FMNL2: variants seen among roughly 807,000 people sequenced by gnomAD.
FMNL2 encodes formin-like protein 2.
In FMNL2, 51 loss-of-function variants were observed where a neutral mutation model predicts 130.2. The ratio of observed to expected loss-of-function variants is 0.39; its 90% CI spans 0.31 to 0.49. The LOEUF (loss-of-function observed/expected upper bound fraction) is 0.49, where lower values mean the gene tolerates loss of function less well. Among genes scored for constraint, FMNL2 ranks in the 20% least tolerant of loss-of-function variants. The pLI, the probability that FMNL2 is intolerant of heterozygous loss-of-function variation, is 0.85. For missense variants in FMNL2, 977 were observed against 1,316.2 expected (o/e 0.74, Z 3.99); for synonymous variants, 465 against 467.1 (o/e 1.00, Z 0.06).
At chr2:152,400,135 T>C (rs1685604596) in intron 1 of FMNL2, among the ~76,000 whole-genome samples, 1 of 152,100 alleles carries the variant, frequency 6.6e-6, no homozygotes, top group South Asian at 2.1e-4. Flanking sequence ...GAAAGTGGGT[T>C]GAAAAACAAA....
At chr2:152,617,893 CTG>C (rs1699038888) in intron 13 of FMNL2, among the ~76,000 whole-genome samples, 2 of 152,190 alleles carry the variant, frequency 1.3e-5, no homozygotes, top group Admixed American at 6.5e-5. Context: ...GTTATCGTGT[CTG>C]TGTGTGTCTG....
chr2:152,505,232 TAG>T (rs891608045), intron 1 of FMNL2, among the ~76,000 whole-genome samples: 5 of 152,058 alleles, frequency 3.3e-5, no homozygotes, highest in African/African-American at 7.2e-5. Flanking sequence ...AAAGGAATAG[TAG>T]AGAGTCAAGT....
intron 10 of FMNL2, among the ~76,000 whole-genome samples, chr2:152,610,419 C>T (rs917995316): frequency 6.6e-6 from 1 of 152,118 alleles, no homozygotes; most frequent in Non-Finnish European, 1.5e-5. Flanking sequence ...AGCGTCACCC[C>T]CCCAGAAAAA....
intron 1 of FMNL2, among the ~76,000 whole-genome samples, chr2:152,508,036 T>C (rs975297230): frequency 3.3e-5 from 5 of 152,252 alleles, no homozygotes; most frequent in Non-Finnish European, 2.9e-5. Context: ...TTAGAAATCA[T>C]GCATGGTATG....
chr2:152,463,771 C>T (rs1019980951), intron 1 of FMNL2, among the ~76,000 whole-genome samples: 11 of 152,174 alleles, frequency 7.2e-5, no homozygotes, highest in African/African-American at 2.2e-4. Flanking sequence ...CTAGAGCTCC[C>T]GGTACTACTC....
intron 1 of FMNL2, among the ~76,000 whole-genome samples, chr2:152,389,165 G>T (rs1157804662): frequency 6.6e-6 from 1 of 152,002 alleles, no homozygotes; most frequent in Non-Finnish European, 1.5e-5. Flanking sequence ...TTGGGCTGCT[G>T]TACAGTAACA....
intron 1 of FMNL2, among the ~76,000 whole-genome samples, chr2:152,366,145 A>G (rs1397530709): frequency 6.6e-6 from 1 of 152,050 alleles, no homozygotes; most frequent in Non-Finnish European, 1.5e-5. Context: ...TGCAGCCGAC[A>G]GATTGGGCCA....
rs771362854 is a variant in FMNL2 at position 152,632,062 on chromosome 2, A to T, written c.2605A>T (p.Asn869Tyr). The change falls in exon 21 of 26, where the codon AAT becomes TAT. Residue 869 changes from asparagine (N) to tyrosine (Y), a missense_variant. By Grantham distance (143) the Asn-to-Tyr change is moderately radical. Transcript: ENST00000288670. ...RKQTLLHYIS[N>Y]VVKEKYHQVS... Reference sequence around the variant, plus strand: ...GCAAACACTGTTGCACTATATATCCAATGTGGTGAAAGAAAAATATCACCA... The same window carrying T: ...GCAAACACTGTTGCACTATATATCCTATGTGGTGAAAGAAAAATATCACCA... 6.2e-7 allele frequency: 1 copy of T among 1,613,446 alleles called. No homozygotes were observed. Among genetic ancestry groups the T allele is most frequent in the African/African-American group, 1.3e-5 (1 of 75,056 alleles).
intron 1 of FMNL2, among the ~76,000 whole-genome samples, chr2:152,337,684 C>T (rs1681555775): frequency 6.6e-6 from 1 of 152,104 alleles, no homozygotes; most frequent in South Asian, 2.1e-4. Context: ...GATTGTACAT[C>T]CCAAGCTTCT....
intron 6 of FMNL2, among the ~76,000 whole-genome samples, chr2:152,573,551 C>G (rs1468228631): frequency 6.6e-6 from 1 of 152,106 alleles, no homozygotes; most frequent in Non-Finnish European, 1.5e-5. Context: ...TTAACTGTAT[C>G]AAGAAAGGAT....
At chr2:152,464,474 C>T (rs974295607) in intron 1 of FMNL2, among the ~76,000 whole-genome samples, 1 of 152,174 alleles carries the variant, frequency 6.6e-6, no homozygotes, top group Non-Finnish European at 1.5e-5. Context: ...AATGTACCCC[C>T]CTGATGGACT....
intron 6 of FMNL2, among the ~76,000 whole-genome samples, chr2:152,561,954 G>A (rs1164962768): frequency 6.6e-6 from 1 of 152,164 alleles, no homozygotes; most frequent in Non-Finnish European, 1.5e-5. Flanking sequence ...TGCTAAGGGA[G>A]GATTGGTGCT....
intron 4 of FMNL2, among the ~76,000 whole-genome samples, chr2:152,551,140 AC>A (rs1694914911): frequency 1.8e-5 from 2 of 109,652 alleles, no homozygotes; most frequent in African/African-American, 4.3e-5. Context: ...ACTCCATCTC[AC>A]CGAAAAAAAA....
intron 3 of FMNL2, among the ~76,000 whole-genome samples, chr2:152,547,411 C>T (rs1231626829): frequency 6.6e-6 from 1 of 152,166 alleles, no homozygotes; most frequent in Non-Finnish European, 1.5e-5. Context: ...ACATTGGGGA[C>T]ATTTTTATTT....
chr2:152,544,583 T>C (rs569763754), intron 3 of FMNL2, among the ~76,000 whole-genome samples: 1 of 152,290 alleles, frequency 6.6e-6, no homozygotes, highest in East Asian at 1.9e-4. Context: ...GCTAGATGGC[T>C]CAGACCTCAG....
chr2:152,612,013 C>G (rs1484057140), intron 11 of FMNL2, among the ~76,000 whole-genome samples: 1 of 152,006 alleles, frequency 6.6e-6, no homozygotes, highest in Non-Finnish European at 1.5e-5. Flanking sequence ...TGAGTCAGTG[C>G]TTAGAGCATA....
chr2:152,479,399 C>T (rs1260518652), intron 1 of FMNL2, among the ~76,000 whole-genome samples: 4 of 152,196 alleles, frequency 2.6e-5, no homozygotes, highest in Non-Finnish European at 5.9e-5. Context: ...CCTGCGTTGG[C>T]CTCCTAAAGT....
rs773036897 is a variant in FMNL2 at position 152,549,118 on chromosome 2, T to C, written c.359+21T>C. ...ATTGGGTAAGTATACCCCTTTAACATCTTAGCTCTAAAGCTTTTGGACACT... is the reference window on the plus strand; with the variant it reads ...ATTGGGTAAGTATACCCCTTTAACACCTTAGCTCTAAAGCTTTTGGACACT... On this transcript the variant is annotated intron_variant, in intron 4 of 25. Coordinates refer to ENST00000288670, the MANE Select transcript of FMNL2 (RefSeq NM_052905.4). 8 of 1,536,870 alleles carry C rather than the reference T, an allele frequency of 5.2e-6. No individual in the cohort carries two copies. In the East Asian group the frequency reaches 1.8e-4, roughly 35 times the overall value.
At chr2:152,358,857 T>A (rs1682996522) in intron 1 of FMNL2, among the ~76,000 whole-genome samples, 1 of 152,186 alleles carries the variant, frequency 6.6e-6, no homozygotes, top group Admixed American at 6.5e-5. Context: ...TTCTTAAGGT[T>A]ATATATTAAC....
Sources: gnomAD v4.1 joint callset for allele counts (sites outside exome capture counted in the v4.1 genomes callset) on GRCh38, gnomAD v4.1.1 for gene constraint, MANE v1.5 for transcripts, NCBI Gene and HGNC (gene_info 2026-07-23, HGNC 2026-07-21) for gene names.